Variants in STON1 observed in about 807,000 individuals in gnomAD.
STON1 encodes the protein stonin 1.
In STON1, 79 loss-of-function variants were observed where a neutral mutation model predicts 60.9. The ratio of observed to expected loss-of-function variants is 1.30; its 90% confidence interval spans 1.08 to 1.56. STON1 has a LOEUF of 1.56. Ranked by LOEUF, STON1 falls within the 40% of genes most tolerant of loss-of-function variation. STON1 has a pLI of 0.00. For synonymous variants in STON1, 363 were observed against 306.9 expected, an observed-to-expected ratio of 1.18 and a Z score of -1.91; for missense variants, 1,166 against 858.9, an observed-to-expected ratio of 1.36 and a Z score of -4.47.
At chr2:48,555,587 C>T (rs1672313093) in intron 1 of STON1, among the ~76,000 whole-genome samples, 1 of 44,204 alleles carries the variant, frequency 2.3e-5, no homozygotes, top group Non-Finnish European at 4.3e-5. Flanking sequence ...GGCGGCTGGC[C>T]GGGCGGGGGG....
chr2:48,569,210 T>C (rs920326587), intron 1 of STON1: 1 of 152,258 alleles, frequency 6.6e-6, no homozygotes, highest in African/African-American at 2.4e-5. Flanking sequence ...TAGCACACCA[T>C]GAACACATAG....
chr2:48,574,108 G>C (rs2103881686), intron 1 of STON1, among the ~76,000 whole-genome samples: 1 of 152,198 alleles, frequency 6.6e-6, no homozygotes, highest in South Asian at 2.1e-4. Context: ...AGGTGCAGTG[G>C]CTCACACCTG....
In STON1 at chr2:48,554,719, T is replaced by A. The variant is rs1345814378; in HGVS notation, c.-48+24503T>A. Reference sequence around the variant, plus strand: ...CTTTAAGTGCAAAATTTTTTTTTTTTTTTTTTATTTATTTATTTATTTTTT... The same window carrying A: ...CTTTAAGTGCAAAATTTTTTTTTTTATTTTTTATTTATTTATTTATTTTTT... On this transcript the variant is annotated intron_variant, in intron 1 of 3. Transcript: ENST00000404752. 4.7e-5 allele frequency among the ~76,000 whole-genome samples: 3 copies of A among 63,174 alleles called. 1 individual carries two copies. The highest frequency in any genetic ancestry group is 1.6e-4 in the African/African-American group (3 of 18,386). 41.4% of individuals were successfully genotyped at this position (63,174 alleles called of 152,430 possible).
Position 48,582,540 on chromosome 2 carries a change from A to C in STON1, c.1907A>C (p.Asp636Ala). Residue 636 changes from aspartate to alanine, a missense_variant, in exon 2 of 4, where the codon GAT (aspartate) becomes GCT (alanine). Physicochemically the swap from Asp to Ala is moderately radical, Grantham distance 126. Transcript: ENST00000404752. ...TACCAGGCAGTGGTATGGAAGATAG[A>C]TCGGCTTCCAGACAAAAATTCAAGT... ...SAYQAVVWKI[D>A]RLPDKNSSLD... The C allele has an allele frequency of 6.2e-7, 1 of 1,608,664 alleles. No homozygotes were observed. The highest frequency in any genetic ancestry group is 1.1e-5 in the South Asian group (1 of 89,916).
intron 1 of STON1, among the ~76,000 whole-genome samples, chr2:48,553,999 A>G (rs761341243): frequency 2.4e-4 from 37 of 152,210 alleles, no homozygotes; most frequent in Non-Finnish European, 4.4e-4. Flanking sequence ...GTGAGCAGGA[A>G]TACAAAGTCT....
rs1461873308 is a variant in STON1 at position 48,580,882 on chromosome 2, A to G, written c.249A>G (p.Thr83=). 1.3e-6 allele frequency: 2 copies of G among 1,587,490 alleles called. No homozygotes were observed. Among genetic ancestry groups the G allele is most frequent in the Non-Finnish European group, 1.7e-6 (2 of 1,169,206 alleles). Residue 83 remains threonine (T), a synonymous_variant, in exon 2 of 4, where the codon ACA becomes ACG. Coordinates refer to ENST00000404752, the MANE Select transcript of STON1 (RefSeq NM_006873.4). ...CTCCAAGTAACTCTCCTCTTTCTAC[A>G]CCTACCAAAGACTTCCCAGGTTTTC... The part of the protein sequence containing the change: ...PGPPSNSPLS[T]PTKDFPGFPG...
intron 1 of STON1, among the ~76,000 whole-genome samples, chr2:48,543,217 C>T (rs1432092237): frequency 1.3e-5 from 2 of 151,938 alleles, no homozygotes; most frequent in African/African-American, 2.4e-5. Context: ...TCAGGTGATC[C>T]GCCTGCCTCG....
chr2:48,576,161 T>C (rs1673483445), intron 1 of STON1, among the ~76,000 whole-genome samples: 1 of 150,058 alleles, frequency 6.7e-6, no homozygotes, highest in Admixed American at 6.7e-5. Context: ...CTTACATCCT[T>C]GCCAAGATTT....
intron 1 of STON1, among the ~76,000 whole-genome samples, chr2:48,546,766 A>G (rs780527559): frequency 4.6e-5 from 7 of 152,178 alleles, no homozygotes; most frequent in African/African-American, 9.7e-5. Flanking sequence ...GTGTCTTGCT[A>G]TGTTGCCCAG....
chr2:48,531,039 A>T (rs1671190246), intron 1 of STON1: 1 of 152,252 alleles, frequency 6.6e-6, no homozygotes, highest in South Asian at 2.1e-4. Flanking sequence ...CTAAAGACAG[A>T]AGAAGGAAGA....
rs1331392901 is a variant in STON1, at chr2:48,581,724, C to T, written c.1091C>T (p.Thr364Ile). Residue 364 changes from threonine to isoleucine, a missense_variant, in exon 2 of 4, where the codon ACA becomes ATA. Physicochemically the swap from Thr to Ile is moderately conservative, Grantham distance 89. Coordinates refer to ENST00000404752, the MANE Select transcript of STON1 (RefSeq NM_006873.4). ...YTEKRKYHSKTEVVHEPDIEQ... is the reference protein window; with the variant it reads ...YTEKRKYHSKIEVVHEPDIEQ... The stretch of plus-strand genomic sequence containing the variant: ...GAAAAAAGGAAATACCATTCTAAGA[C>T]AGAAGTAGTTCATGAACCTGACATA... The T allele has an allele frequency of 3.1e-6, 5 of 1,611,470 alleles. No homozygotes were observed. Among genetic ancestry groups the T allele is most frequent in the Non-Finnish European group, 4.2e-6 (5 of 1,179,370 alleles).
chr2:48,591,608 A>G (rs768860623), intron 2 of STON1, 45 bp from the exon 3 acceptor site: 2 of 1,600,528 alleles, frequency 1.2e-6, no homozygotes, highest in Non-Finnish European at 1.7e-6. Flanking sequence ...GAAATGTTCA[A>G]TGGCCATTAA....
At chr2:48,583,280 G>T (rs1178038989) in intron 2 of STON1, among the ~76,000 whole-genome samples, 2 of 151,970 alleles carry the variant, frequency 1.3e-5, no homozygotes, top group Non-Finnish European at 2.9e-5. Context: ...GTAGAGACGG[G>T]GTCTCCCTAT....
intron 2 of STON1, among the ~76,000 whole-genome samples, chr2:48,586,988 G>T (rs1347396856): frequency 6.6e-6 from 1 of 152,164 alleles, no homozygotes; most frequent in Non-Finnish European, 1.5e-5. Context: ...GGATAGGTGG[G>T]CAATGGTGCC....
At chr2:48,569,910 G>C (rs1167824936) in intron 1 of STON1, among the ~76,000 whole-genome samples, 3 of 152,154 alleles carry the variant, frequency 2.0e-5, no homozygotes, top group Non-Finnish European at 4.4e-5. Flanking sequence ...TTGAATTTTG[G>C]AGCAATTCAG....
intron 3 of STON1, among the ~76,000 whole-genome samples, chr2:48,593,393 G>A (rs544297391): frequency 6.6e-6 from 1 of 152,178 alleles, no homozygotes; most frequent in African/African-American, 2.4e-5. Context: ...GGGATTAGAG[G>A]TGTGAGCCAC....
chr2:48,575,074 A>C (rs1209359720), intron 1 of STON1, among the ~76,000 whole-genome samples: 5 of 152,232 alleles, frequency 3.3e-5, no homozygotes, highest in African/African-American at 1.2e-4. Context: ...GGTATGAGTT[A>C]GACTACTTTA....
chr2:48,571,966 C>T (rs1373232156), intron 1 of STON1, among the ~76,000 whole-genome samples: 2 of 152,126 alleles, frequency 1.3e-5, no homozygotes, highest in African/African-American at 4.8e-5. Context: ...AGTTCGAGAC[C>T]AGCCTGGCCA....
intron 1 of STON1, among the ~76,000 whole-genome samples, chr2:48,552,816 A>G (rs899147187): frequency 1.3e-5 from 2 of 152,160 alleles, no homozygotes; most frequent in Non-Finnish European, 2.9e-5. Flanking sequence ...ACACTTACAA[A>G]TGGTTAAAAG....
Sources: gnomAD v4.1 joint callset for allele counts (sites outside exome capture counted in the v4.1 genomes callset) on GRCh38, gnomAD v4.1.1 for gene constraint, MANE v1.5 for transcripts, NCBI Gene and HGNC (gene_info 2026-07-23, HGNC 2026-07-21) for gene names.